ITFG2: variants seen among roughly 807,000 people sequenced by gnomAD.
ITFG2 encodes KICSTOR complex protein ITFG2.
ITFG2 carries 36 observed loss-of-function variants against 54.4 expected under a neutral mutation model. That is an observed-to-expected ratio of 0.66 (90% CI 0.51 to 0.87). ITFG2 has a LOEUF of 0.87. ITFG2 is among the 40% of genes least tolerant of loss of function. The pLI, the probability that ITFG2 is intolerant of heterozygous loss-of-function variation, is 0.00. For missense variants in ITFG2, 524 were observed against 576.7 expected, an observed-to-expected ratio of 0.91 and a Z score of 0.94; for synonymous variants, 211 against 225.4, an observed-to-expected ratio of 0.94 and a Z score of 0.57.
downstream of ITFG2, chr12:2,830,902 C>G (rs1386504092): frequency 6.3e-7 from 1 of 1,589,460 alleles, no homozygotes; most frequent in Non-Finnish European, 8.6e-7. Context: ...AGTTCTAAAC[C>G]CAGGCATCCA....
intron 4 of ITFG2, 106 bp downstream of exon 4, chr12:2,818,383 C>T (rs1400338238): frequency 1.9e-6 from 3 of 1,546,944 alleles, no homozygotes; most frequent in Non-Finnish European, 8.7e-7. Flanking sequence ...TTCATGTATG[C>T]ATTTGTTATG....
At chr12:2,834,301 C>T (rs2098017498), upstream of ITFG2, among the ~76,000 whole-genome samples, 1 of 152,198 alleles carries the variant, frequency 6.6e-6, no homozygotes, top group Admixed American at 6.5e-5. Context: ...GGCCAGTCCT[C>T]CAGGCCCTCC....
downstream of ITFG2, among the ~76,000 whole-genome samples, chr12:2,829,000 G>T (rs2097985566): frequency 6.6e-6 from 1 of 151,796 alleles, no homozygotes; most frequent in Admixed American, 6.6e-5. Flanking sequence ...AGGAGTTCAA[G>T]ACCAGCCTAG....
downstream of ITFG2, chr12:2,828,103 A>G: frequency 1.1e-5 from 17 of 1,492,082 alleles, no homozygotes; most frequent in Non-Finnish European, 1.6e-5. Context: ...GTTCCACCCC[A>G]TTAATCAGCA....
upstream of ITFG2, among the ~76,000 whole-genome samples, chr12:2,835,963 GTTAA>G (rs2098026510): frequency 6.6e-6 from 1 of 152,224 alleles, no homozygotes; most frequent in East Asian, 1.9e-4. Context: ...CCCAGCTCTA[GTTAA>G]TTGACTTCAC....
upstream of ITFG2, chr12:2,835,188 TGTGA>T: frequency 1.1e-6 from 1 of 918,686 alleles, no homozygotes; most frequent in Non-Finnish European, 1.3e-6. Context: ...TGTGTGTGTG[TGTGA>T]GAGAGAGAGA....
At chr12:2,830,617 C>A in intron 2 of ITFG2, 1 of 1,379,896 alleles carries the variant, frequency 7.2e-7, no homozygotes. Context: ...CCCTCCCTCC[C>A]TCTCCCATCA....
chr12:2,813,235 C>T (rs528043929), intron 1 of ITFG2, among the ~76,000 whole-genome samples: 1 of 152,204 alleles, frequency 6.6e-6, no homozygotes, highest in Non-Finnish European at 1.5e-5. Flanking sequence ...TGGGGTTTCA[C>T]CATGTTGGCC....
intron 2 of ITFG2, chr12:2,830,368 G>C (rs2097995249): frequency 5.2e-6 from 1 of 192,088 alleles, no homozygotes; most frequent in East Asian, 1.3e-4. Flanking sequence ...CAGGGCCAAT[G>C]CCTTAGAACA....
At chr12:2,818,828 G>C (rs1464323076) in intron 4 of ITFG2, among the ~76,000 whole-genome samples, 1 of 151,832 alleles carries the variant, frequency 6.6e-6, no homozygotes, top group Non-Finnish European at 1.5e-5. Context: ...GACCAGCCTG[G>C]CCCACACGGT....
Position 2,812,723 on chromosome 12 carries a change from T to C in ITFG2, c.-38T>C. Reference sequence around the variant, plus strand: ...TCGCGACGGGGGTTCAGGGAATATTTACTGGGCCTCTCCGCTCCCTCTGCT... The same window carrying C: ...TCGCGACGGGGGTTCAGGGAATATTCACTGGGCCTCTCCGCTCCCTCTGCT... On this transcript the variant is annotated 5_prime_UTR_variant, in exon 1 of 12. Coordinates refer to ENST00000228799, the MANE Select transcript of ITFG2 (RefSeq NM_018463.4). 6.4e-7 allele frequency: 1 copy of C among 1,564,904 alleles called. No individual in the cohort carries two copies. Among genetic ancestry groups the C allele is most frequent in the South Asian group, 1.1e-5 (1 of 89,938 alleles).
chr12:2,854,798 G>C, intron 2 of ITFG2: 5 of 1,266,616 alleles, frequency 3.9e-6, no homozygotes, highest in African/African-American at 3.0e-5. Context: ...CCAGAGCGGG[G>C]AAGGACAGAG....
Position 2,823,831 on chromosome 12 carries a change from G to C in ITFG2, c.1128G>C (p.Gln376His). 1 of 1,609,966 alleles carries C rather than the reference G, an allele frequency of 6.2e-7. No homozygotes were observed. Among genetic ancestry groups the C allele is most frequent in the Non-Finnish European group, 8.5e-7 (1 of 1,177,668 alleles). Reference sequence around the variant, plus strand: ...GCCTCGTATATGTCACTTTCAACCAGAAGATCTATGTGTACTGGGAGGTGC... The same window carrying C: ...GCCTCGTATATGTCACTTTCAACCACAAGATCTATGTGTACTGGGAGGTGC... ...SPCLVYVTFNQKIYVYWEVQL... is the reference protein window; with the variant it reads ...SPCLVYVTFNHKIYVYWEVQL... Residue 376 changes from glutamine to histidine, a missense_variant, in exon 11 of 12, where the codon CAG (glutamine) becomes CAC (histidine). Coordinates refer to ENST00000228799, the MANE Select transcript of ITFG2 (RefSeq NM_018463.4).
chr12:2,842,517 C>T (rs1274072631), intron 2 of ITFG2, among the ~76,000 whole-genome samples: 1 of 152,060 alleles, frequency 6.6e-6, no homozygotes, highest in African/African-American at 2.4e-5. Flanking sequence ...AAGACGATCA[C>T]CTGAGGCCAG....
rs186378719 is a variant in ITFG2 at position 2,854,271 on chromosome 12, C to T, written n.301-3741C>T. The stretch of plus-strand genomic sequence containing the variant: ...AACTCCCTACCTCAGGTGATCCGGC[C>T]GCCTCGGCCTCCTAAAGTTCTGGGA... On this transcript the variant is annotated intron_variant and non_coding_transcript_variant, in intron 2 of 3. Coordinates refer to the ITFG2 transcript ENST00000537710. Among the ~76,000 whole-genome samples the T allele has an allele frequency of 1.6e-4, 24 of 152,104 alleles. No homozygotes were observed. The East Asian group carries it at 1.7e-3, about 11-fold the overall frequency.
intron 2 of ITFG2, among the ~76,000 whole-genome samples, chr12:2,854,112 G>A (rs891299255): frequency 6.6e-6 from 1 of 152,134 alleles, no homozygotes; most frequent in Non-Finnish European, 1.5e-5. Context: ...TGCAACCTCC[G>A]CCTCCCAGGT....
At chr12:2,853,739 C>T (rs887400023) in intron 2 of ITFG2, among the ~76,000 whole-genome samples, 3 of 152,066 alleles carry the variant, frequency 2.0e-5, no homozygotes, top group Admixed American at 6.5e-5. Flanking sequence ...CTCTTGCATG[C>T]GTAGTGCCTG....
At chr12:2,847,020 CCCT>C (rs2098055058) in intron 2 of ITFG2, among the ~76,000 whole-genome samples, 1 of 152,028 alleles carries the variant, frequency 6.6e-6, no homozygotes, top group African/African-American at 2.4e-5. Flanking sequence ...TTCAGTTCTC[CCCT>C]CCTCCAGCAT....
intron 1 of ITFG2, among the ~76,000 whole-genome samples, chr12:2,814,790 C>T (rs1486091861): frequency 6.6e-6 from 1 of 152,062 alleles, no homozygotes; most frequent in South Asian, 2.1e-4. Context: ...CATGATCACA[C>T]TACGGTACTC....
Sources: allele counts gnomAD v4.1 joint callset (sites outside exome capture counted in the v4.1 genomes callset), GRCh38; gene constraint gnomAD v4.1.1; transcripts MANE v1.5; gene names NCBI Gene and HGNC (gene_info 2026-07-23, HGNC 2026-07-21).